Variants in IL1RL1 observed in about 807,000 individuals in gnomAD.
IL1RL1 encodes interleukin-1 receptor-like 1.
Under a neutral mutation model 50.9 loss-of-function variants are expected in IL1RL1, and 32 were observed. That is an observed-to-expected ratio of 0.63 (90% CI 0.47 to 0.84). The LOEUF (loss-of-function observed/expected upper bound fraction) is 0.84. IL1RL1 is among the 40% of genes least tolerant of loss of function. The pLI, the probability that IL1RL1 is intolerant of heterozygous loss-of-function variation, is 0.00. For missense variants in IL1RL1, 773 were observed against 662.9 expected, an observed-to-expected ratio of 1.17 and a Z score of -1.82; for synonymous variants, 275 against 236.0, an observed-to-expected ratio of 1.17 and a Z score of -1.51.
Position 102,348,010 on chromosome 2 carries a change from C to A in IL1RL1, c.1036C>A (p.Leu346Met), listed in dbSNP as rs766401987. The A allele has an allele frequency of 6.3e-7, 1 of 1,590,296 alleles. No homozygotes were observed. Among genetic ancestry groups the A allele is most frequent in the Admixed American group, 1.7e-5 (1 of 59,962 alleles). ...CSVFLMLINV[L>M]VIILKMFWIE... Reference sequence around the variant, plus strand: ...TGTATTTTTAATGCTAATCAATGTCCTGGTTATCATCCTAAAAATGTTCTG... The same window carrying A: ...TGTATTTTTAATGCTAATCAATGTCATGGTTATCATCCTAAAAATGTTCTG... Residue 346 changes from leucine (L) to methionine (M), a missense_variant, in exon 9 of 11, where the codon CTG becomes ATG. Leu to Met is a conservative substitution (Grantham distance 15). Transcript: ENST00000233954.
chr2:102,315,204 G>A (rs1360903570), intron 1 of IL1RL1, among the ~76,000 whole-genome samples: 13 of 152,186 alleles, frequency 8.5e-5, no homozygotes, highest in Non-Finnish European at 4.4e-5. Flanking sequence ...CTTCCTGGAT[G>A]AGGGTGTATG....
At chr2:102,346,927 T>C (rs1259124819) in intron 8 of IL1RL1, among the ~76,000 whole-genome samples, 3 of 152,228 alleles carry the variant, frequency 2.0e-5, no homozygotes, top group Non-Finnish European at 4.4e-5. Context: ...CTTCTCACAT[T>C]CATCAGTGCA....
intron 1 of IL1RL1, among the ~76,000 whole-genome samples, chr2:102,335,406 G>C (rs2104979404): frequency 6.6e-6 from 1 of 152,178 alleles, no homozygotes; most frequent in East Asian, 1.9e-4. Context: ...GCTTGACTTT[G>C]AAGTTCAGCA....
chr2:102,327,402 G>T (rs1196127101), intron 1 of IL1RL1, among the ~76,000 whole-genome samples: 6 of 151,140 alleles, frequency 4.0e-5, no homozygotes, highest in Non-Finnish European at 7.4e-5. Context: ...AGAGAAAGCA[G>T]GAAAGATCTA....
At chr2:102,322,428 G>A (rs1241219615) in intron 1 of IL1RL1, among the ~76,000 whole-genome samples, 2 of 152,118 alleles carry the variant, frequency 1.3e-5, no homozygotes, top group Non-Finnish European at 2.9e-5. Context: ...TTATTCACAG[G>A]ACAACTTGTT....
intron 8 of IL1RL1, chr2:102,345,263 T>C (rs1466684342): frequency 2.0e-6 from 2 of 985,456 alleles, no homozygotes; most frequent in African/African-American, 1.7e-5. Flanking sequence ...CTGAATGCAA[T>C]GTTGTCTTGG....
intron 1 of IL1RL1, among the ~76,000 whole-genome samples, chr2:102,328,317 A>G (rs936192730): frequency 6.6e-6 from 1 of 152,102 alleles, no homozygotes; most frequent in African/African-American, 2.4e-5. Flanking sequence ...CCTTCATGCT[A>G]AAAACTCTCA....
chr2:102,347,884 G>A (rs1193246089), intron 8 of IL1RL1, 61 bp from the exon 9 acceptor site: 1 of 968,786 alleles, frequency 1.0e-6, no homozygotes, highest in African/African-American at 1.6e-5. Flanking sequence ...CAACATCCAT[G>A]TATCAGTTTA....
At chr2:102,335,826 G>A (rs894299579) in intron 1 of IL1RL1, among the ~76,000 whole-genome samples, 11 of 152,162 alleles carry the variant, frequency 7.2e-5, no homozygotes, top group Non-Finnish European at 1.2e-4. Flanking sequence ...TTGGGGAATC[G>A]CAGGCAGCAT....
chr2:102,324,102 C>T (rs1329177113), intron 1 of IL1RL1, among the ~76,000 whole-genome samples: 1 of 149,436 alleles, frequency 6.7e-6, no homozygotes, highest in Non-Finnish European at 1.5e-5. Context: ...GTCTTGTTTC[C>T]AGTATTTGGC....
chr2:102,346,201 C>G (rs1347084827), intron 8 of IL1RL1: 1 of 222,396 alleles, frequency 4.5e-6, no homozygotes, highest in African/African-American at 2.3e-5. Context: ...ATTTTATTAA[C>G]TATTACTAAA....
chr2:102,321,010 C>G lies in IL1RL1; in HGVS notation c.-150+9387C>G, dbSNP rs1676820994. ...AGTCTCTACCCCTCTCCAACCAGCT[C>G]TCACTGCTCTGGAGTTCCTCATGCC... On this transcript the variant is annotated intron_variant, in intron 1 of 10. Coordinates refer to ENST00000233954, the MANE Select transcript of IL1RL1 (RefSeq NM_016232.5). 5.3e-5 allele frequency among the ~76,000 whole-genome samples: 8 copies of G among 152,248 alleles called. No homozygotes were observed. In the South Asian group the frequency reaches 1.7e-3, roughly 31 times the overall value.
intron 1 of IL1RL1, among the ~76,000 whole-genome samples, chr2:102,323,275 T>TATATATATATATA (rs1559596435): frequency 1.2e-3 from 34 of 28,666 alleles, no homozygotes; most frequent in African/African-American, 3.8e-3. Context: ...ATATATATAG[T>TATATATATATATA]GTGTGTGTGT....
At chr2:102,333,711 T>C (rs1018747396) in intron 1 of IL1RL1, among the ~76,000 whole-genome samples, 3 of 152,162 alleles carry the variant, frequency 2.0e-5, no homozygotes, top group African/African-American at 7.2e-5. Context: ...TTGTACCCAG[T>C]AGGTAATTTT....
rs112593736 is a variant in IL1RL1 at position 102,335,385 on chromosome 2, G to A, written c.-149-2731G>A. Among the ~76,000 whole-genome samples the A allele has an allele frequency of 1.1e-4, 13 of 115,232 alleles. No individual in the cohort carries two copies. In the South Asian group the frequency reaches 3.2e-3, roughly 28 times the overall value. The allele number at this position is 115,232 out of a possible 152,430, so 75.6% of individuals were successfully genotyped here. On this transcript the variant is annotated intron_variant, in intron 1 of 10. Coordinates refer to ENST00000233954, the MANE Select transcript of IL1RL1 (RefSeq NM_016232.5). The stretch of plus-strand genomic sequence containing the variant: ...TGTTCTCTTTTTTTAGTTGACATTG[G>A]GGGGAGAAAAGCTTGACTTTGAAGT...
rs1204340889 is a variant in IL1RL1 at position 102,343,422 on chromosome 2, A to C, written c.970+7A>C. On this transcript the variant is annotated splice_region_variant and intron_variant, in intron 8 of 10. Coordinates refer to ENST00000233954, the MANE Select transcript of IL1RL1 (RefSeq NM_016232.5). The stretch of plus-strand genomic sequence containing the variant: ...CTAAGTAGGAAAAATCCAAGTAAGG[A>C]GTGTTTCTGAGACTTTGATCACCTG... 1 of 1,614,086 alleles carries C rather than the reference A, an allele frequency of 6.2e-7. No individual in the cohort carries two copies. Among genetic ancestry groups the C allele is most frequent in the Non-Finnish European group, 8.5e-7 (1 of 1,180,044 alleles).
chr2:102,340,597 C>CAA, intron 4 of IL1RL1, 69 bp from the exon 5 acceptor site: 1 of 1,500,898 alleles, frequency 6.7e-7, no homozygotes, highest in Non-Finnish European at 9.1e-7. Context: ...AGGCAACAAA[C>CAA]ATTCTGTCAA....
intron 8 of IL1RL1, chr2:102,344,343 C>CCA: frequency 1.1e-6 from 1 of 923,826 alleles, no homozygotes; most frequent in Non-Finnish European, 1.3e-6. Context: ...CCAAACCATA[C>CCA]CACACACATT....
chr2:102,324,105 T>C (rs909089167), intron 1 of IL1RL1, among the ~76,000 whole-genome samples: 1 of 151,910 alleles, frequency 6.6e-6, no homozygotes, highest in Non-Finnish European at 1.5e-5. Flanking sequence ...TTGTTTCCAG[T>C]ATTTGGCTAT....
Sources: gnomAD v4.1 joint callset for allele counts (sites outside exome capture counted in the v4.1 genomes callset) on GRCh38, gnomAD v4.1.1 for gene constraint, MANE v1.5 for transcripts, NCBI Gene and HGNC (gene_info 2026-07-23, HGNC 2026-07-21) for gene names.